UGT1A7: variants seen among roughly 807,000 people sequenced by gnomAD.
The protein encoded by UGT1A7 is UDP-glucuronosyltransferase 1A7.
Under a neutral mutation model 45.6 loss-of-function variants are expected in UGT1A7, and 33 were observed. That is an observed-to-expected ratio of 0.72 (90% CI 0.55 to 0.97). The LOEUF (loss-of-function observed/expected upper bound fraction) is 0.97. Ranked by LOEUF, UGT1A7 falls within the 50% of genes least tolerant of loss-of-function variation. UGT1A7 has a pLI of 0.00. For synonymous variants in UGT1A7, 274 were observed against 250.6 expected, an observed-to-expected ratio of 1.09 and a Z score of -0.88; for missense variants, 684 against 666.2, an observed-to-expected ratio of 1.03 and a Z score of -0.29.
At chr2:233,690,080 T>C (rs2074974385) in intron 1 of UGT1A7, among the ~76,000 whole-genome samples, 1 of 152,204 alleles carries the variant, frequency 6.6e-6, no homozygotes. Context: ...GCCTATCAAA[T>C]AGATTAAATT....
intron 1 of UGT1A7, 27 bp from the exon 2 acceptor site, chr2:233,767,007 A>T: frequency 6.2e-7 from 1 of 1,613,842 alleles, no homozygotes; most frequent in Non-Finnish European, 8.5e-7. Flanking sequence ...AGAAAAAATT[A>T]ACTGAAAATT....
In UGT1A7 at chr2:233,761,134, C is replaced by T. The variant is rs1160983011; in HGVS notation, c.856-5900C>T. ...TGTTGGTGGAATCAACTGCCTTCAC[C>T]AAAATCCACTATCCCAGGTGTGTAT... On this transcript the variant is annotated intron_variant, in intron 1 of 4. Coordinates refer to ENST00000373426, the MANE Select transcript of UGT1A7 (RefSeq NM_019077.3). 3.7e-6 allele frequency: 6 copies of T among 1,614,160 alleles called. No homozygotes were observed. Among genetic ancestry groups the T allele is most frequent in the Non-Finnish European group, 5.1e-6 (6 of 1,180,024 alleles).
At chr2:233,767,212 G>T (rs377453564) in intron 2 of UGT1A7, 47 bp downstream of exon 2, 3 of 1,612,180 alleles carry the variant, frequency 1.9e-6, no homozygotes, top group Admixed American at 3.3e-5. Flanking sequence ...TCACAGGAGC[G>T]CTAATCCCAG....
At chr2:233,707,760 G>C (rs2075985712) in intron 1 of UGT1A7, among the ~76,000 whole-genome samples, 1 of 152,188 alleles carries the variant, frequency 6.6e-6, no homozygotes, top group Non-Finnish European at 1.5e-5. Context: ...AAACACATGT[G>C]AGTGGGTTTT....
chr2:233,716,171 A>G (rs17868334), intron 1 of UGT1A7, among the ~76,000 whole-genome samples: 15,437 of 152,224 alleles, frequency 0.1, 902 homozygotes, highest in East Asian at 0.2. Flanking sequence ...GCAGTGCAGC[A>G]TCTTCAAGTC....
intron 1 of UGT1A7, among the ~76,000 whole-genome samples, chr2:233,716,254 A>C (rs1204855688): frequency 6.6e-6 from 1 of 152,204 alleles, no homozygotes; most frequent in Non-Finnish European, 1.5e-5. Flanking sequence ...GACATCCAGC[A>C]TAATCTCCCC....
At chr2:233,691,269 C>T (rs975477136) in intron 1 of UGT1A7, 1 of 985,424 alleles carries the variant, frequency 1.0e-6, no homozygotes, top group African/African-American at 1.7e-5. Context: ...TGCTGCCGCC[C>T]CCATGACTTT....
chr2:233,704,960 A>G (rs940075749), intron 1 of UGT1A7, among the ~76,000 whole-genome samples: 1 of 152,052 alleles, frequency 6.6e-6, no homozygotes, highest in Admixed American at 6.6e-5. Flanking sequence ...ACATGGTGAA[A>G]CCCCATCTCT....
At chr2:233,728,118 A>T (rs567951320) in intron 1 of UGT1A7, among the ~76,000 whole-genome samples, 4 of 152,254 alleles carry the variant, frequency 2.6e-5, no homozygotes, top group African/African-American at 9.6e-5. Flanking sequence ...TCCATCTTGA[A>T]ATTTGGACTA....
intron 1 of UGT1A7, among the ~76,000 whole-genome samples, chr2:233,739,818 A>T (rs1185619139): frequency 6.6e-6 from 1 of 151,978 alleles, no homozygotes; most frequent in Non-Finnish European, 1.5e-5. Context: ...ATTGGTTTTT[A>T]AATGTGAAAA....
chr2:233,738,641 GCT>G (rs1690860482), intron 1 of UGT1A7, among the ~76,000 whole-genome samples: 1 of 152,206 alleles, frequency 6.6e-6, no homozygotes, highest in Non-Finnish European at 1.5e-5. Flanking sequence ...CTGCCCTAGA[GCT>G]CTTTGGAACT....
chr2:233,725,960 G>A (rs574964594), intron 1 of UGT1A7, among the ~76,000 whole-genome samples: 2 of 152,228 alleles, frequency 1.3e-5, no homozygotes, highest in East Asian at 3.9e-4. Flanking sequence ...GAGCCCAGGA[G>A]TCTGAGAGCA....
intron 1 of UGT1A7, among the ~76,000 whole-genome samples, chr2:233,727,780 G>A (rs1337158830): frequency 6.6e-6 from 1 of 152,168 alleles, no homozygotes. Flanking sequence ...CCCAGTAGAC[G>A]CTTCCATTCA....
At chr2:233,719,662 G>C (rs769254543) in intron 1 of UGT1A7, 50 of 1,613,974 alleles carry the variant, frequency 3.1e-5, no homozygotes, top group Non-Finnish European at 4.0e-5. Context: ...GGCATCAACT[G>C]TGCCAACGGG....
intron 1 of UGT1A7, among the ~76,000 whole-genome samples, chr2:233,737,198 G>A (rs2078851013): frequency 6.6e-6 from 1 of 152,216 alleles, no homozygotes; most frequent in Non-Finnish European, 1.5e-5. Flanking sequence ...TTGCTGAGCT[G>A]CGGTGGACTC....
Position 233,767,922 on chromosome 2 carries a change from A to G in UGT1A7, c.1061A>G (p.Gln354Arg), listed in dbSNP as rs72551351. The G allele has an allele frequency of 6.2e-7, 1 of 1,614,240 alleles. No individual in the cohort carries two copies. The highest frequency in any genetic ancestry group is 1.1e-5 in the South Asian group (1 of 91,086). ...ACGATACTTGTTAAGTGGCTACCCC[A>G]AAACGATCTGCTTGGTATGTTGGGC... ...NNTILVKWLP[Q>R]NDLLGHPMTR... Residue 354 changes from glutamine (Q) to arginine (R), a missense_variant, in exon 3 of 5, where the codon CAA (glutamine) becomes CGA (arginine). Physicochemically the swap from Gln to Arg is conservative, Grantham distance 43. Transcript: ENST00000373426.
chr2:233,722,619 T>G (rs1335321752), intron 1 of UGT1A7, among the ~76,000 whole-genome samples: 2 of 152,244 alleles, frequency 1.3e-5, no homozygotes. Context: ...TGATTTTTCT[T>G]AATGAAGCAT....
In UGT1A7 at chr2:233,772,930, T is replaced by A; in HGVS notation, c.*371T>A. On this transcript the variant is annotated 3_prime_UTR_variant, in exon 5 of 5. Coordinates refer to ENST00000373426, the MANE Select transcript of UGT1A7 (RefSeq NM_019077.3). ...CCTACTGCAAATGGCAGTTTTAATC[T>A]TATCTTTTGGCTTCTGCAGATGGTT... The A allele has an allele frequency of 2.9e-6, 1 of 350,402 alleles. No individual in the cohort carries two copies. The highest frequency in any genetic ancestry group is 3.0e-5 in the South Asian group (1 of 32,922). The allele number at this position is 350,402 out of a possible 1,614,324, so 21.7% of individuals were successfully genotyped here.
intron 1 of UGT1A7, chr2:233,750,593 G>A (rs978024854): frequency 2.0e-5 from 3 of 152,058 alleles, no homozygotes; most frequent in Admixed American, 6.5e-5. Context: ...GGAGGCCTAG[G>A]AAGGAAAAAT....
Sources: allele counts gnomAD v4.1 joint callset (sites outside exome capture counted in the v4.1 genomes callset), GRCh38; gene constraint gnomAD v4.1.1; transcripts MANE v1.5; gene names NCBI Gene and HGNC (gene_info 2026-07-23, HGNC 2026-07-21).